Variants in MARCHF10 observed in about 807,000 individuals in gnomAD.
The protein encoded by MARCHF10 is membrane associated ring-CH-type finger 10, also known as probable E3 ubiquitin-protein ligase MARCHF10.
A neutral mutation model predicts 76.2 loss-of-function variants in MARCHF10; 64 were observed. That is an observed-to-expected ratio of 0.84 (90% CI 0.69 to 1.03). The LOEUF (loss-of-function observed/expected upper bound fraction) is 1.03, where lower values mean the gene tolerates loss of function less well. MARCHF10 is among the 50% of genes least tolerant of loss of function. MARCHF10 has a pLI of 0.00. For missense variants in MARCHF10, 875 were observed against 958.0 expected (o/e 0.91, Z 1.14); for synonymous variants, 340 against 357.5 (o/e 0.95, Z 0.55).
At chr17:62,788,908 A>C (rs1381206540) in intron 2 of MARCHF10, among the ~76,000 whole-genome samples, 1 of 150,546 alleles carries the variant, frequency 6.6e-6, no homozygotes, top group Non-Finnish European at 1.5e-5. Context: ...CTAAAAATAC[A>C]AAAAATTAGC....
At position 62,759,847 on chromosome 17, in the gene MARCHF10, C is replaced by T. The variant is rs141415486; in HGVS notation, c.370G>A (p.Glu124Lys). The change falls in exon 4 of 11, where the codon GAA becomes AAA. Residue 124 changes from glutamate to lysine, a missense_variant. Transcript: ENST00000311269. ...VRKAEKVDPSEPSPADQAPMV... is the reference protein window; with the variant it reads ...VRKAEKVDPSKPSPADQAPMV... ...GCCAGCCACTCACCTGGAGAGGGTT[C>T]GCTGGGGTCCACTTTCTCTGCTTTC... The T allele has an allele frequency of 5.1e-4, 824 of 1,613,770 alleles. 2 individuals are homozygous for T. The African/African-American group carries it at 6.4e-3, about 13-fold the overall frequency.
At chr17:62,794,179 A>G (rs2092946433) in intron 2 of MARCHF10, among the ~76,000 whole-genome samples, 1 of 127,174 alleles carries the variant, frequency 7.9e-6, no homozygotes, top group Admixed American at 7.5e-5. Flanking sequence ...CCACCACCAC[A>G]AACACCATCA....
At chr17:62,774,259 C>T (rs1420887307) in intron 3 of MARCHF10, among the ~76,000 whole-genome samples, 1 of 152,098 alleles carries the variant, frequency 6.6e-6, no homozygotes, top group East Asian at 1.9e-4. Flanking sequence ...CGGAGGAGGG[C>T]ACTTGAGGAA....
At chr17:62,753,156 G>C (rs1238923164) in intron 4 of MARCHF10, among the ~76,000 whole-genome samples, 1 of 152,064 alleles carries the variant, frequency 6.6e-6, no homozygotes, top group African/African-American at 2.4e-5. Flanking sequence ...CTGGAGTGTG[G>C]AGTGCAGTCA....
At chr17:62,785,925 G>C (rs1016344830) in intron 3 of MARCHF10, among the ~76,000 whole-genome samples, 7 of 152,156 alleles carry the variant, frequency 4.6e-5, no homozygotes, top group Non-Finnish European at 1.0e-4. Context: ...TTACACTGTT[G>C]GTGAGAGTGT....
intron 6 of MARCHF10, among the ~76,000 whole-genome samples, chr17:62,727,111 G>A (rs1423011446): frequency 6.6e-6 from 1 of 152,132 alleles, no homozygotes; most frequent in South Asian, 2.1e-4. Context: ...GAACCTGAAC[G>A]TTAAGATGGT....
At chr17:62,804,222 C>T (rs1181136526) in intron 1 of MARCHF10, among the ~76,000 whole-genome samples, 1 of 152,172 alleles carries the variant, frequency 6.6e-6, no homozygotes, top group African/African-American at 2.4e-5. Context: ...GAGGAGACAG[C>T]ATGGCGTCAC....
intron 3 of MARCHF10, among the ~76,000 whole-genome samples, chr17:62,780,096 A>G (rs1197938785): frequency 7.0e-6 from 1 of 141,962 alleles, no homozygotes; most frequent in Non-Finnish European, 1.5e-5. Context: ...GACTCGGTCT[A>G]AAAAAAAAAA....
intron 2 of MARCHF10, among the ~76,000 whole-genome samples, chr17:62,792,729 AC>A (rs1568217902): frequency 7.2e-6 from 1 of 139,570 alleles, no homozygotes. Flanking sequence ...CACCACCACC[AC>A]CATCACCACC....
Position 62,731,260 on chromosome 17 carries a change from G to T in MARCHF10, c.1937+4671C>A, listed in dbSNP as rs574544606. Among the ~76,000 whole-genome samples, 43 of 152,106 alleles carry T rather than the reference G, an allele frequency of 2.8e-4. 1 individual carries two copies. The South Asian group carries it at 7.3e-3, about 26-fold the overall frequency. ...ACATATCTGTAAAATATTTGACAAA[G>T]AATTACTTTTTGTTTTTTTTGAGAT... is the stretch of plus-strand genomic sequence containing the variant. On this transcript the variant is annotated intron_variant, in intron 6 of 10. Transcript: ENST00000311269.
intron 4 of MARCHF10, 81 bp from the exon 5 acceptor site, chr17:62,744,609 G>C: frequency 6.6e-7 from 1 of 1,505,098 alleles, no homozygotes; most frequent in Non-Finnish European, 9.0e-7. Flanking sequence ...AAAGGGCCCA[G>C]CAATGTTTGG....
intron 10 of MARCHF10, 139 bp from the exon 11 acceptor site, chr17:62,701,897 C>A: frequency 8.9e-7 from 1 of 1,127,586 alleles, no homozygotes; most frequent in Non-Finnish European, 1.3e-6. Context: ...GTGCCTGGAA[C>A]CGTGTGGGGA....
At chr17:62,709,812 C>G (rs1211218437) in intron 9 of MARCHF10, among the ~76,000 whole-genome samples, 1 of 136,486 alleles carries the variant, frequency 7.3e-6, no homozygotes, top group Non-Finnish European at 1.6e-5. Flanking sequence ...TGCGGTGGCA[C>G]CAATCATGGC....
chr17:62,790,696 TC>T (rs1363318324), intron 2 of MARCHF10, among the ~76,000 whole-genome samples: 1 of 152,198 alleles, frequency 6.6e-6, no homozygotes, highest in African/African-American at 2.4e-5. Context: ...AAAAAGCATC[TC>T]CTTCCGTGAT....
chr17:62,713,173 C>G (rs999825984), intron 8 of MARCHF10, among the ~76,000 whole-genome samples: 4 of 152,192 alleles, frequency 2.6e-5, no homozygotes, highest in Non-Finnish European at 5.9e-5. Context: ...ACCAACAAAG[C>G]CTTGGTCCTT....
chr17:62,793,762 CCACCACCACCTCCAT>C (rs2092931485), intron 2 of MARCHF10, among the ~76,000 whole-genome samples: 1 of 150,468 alleles, frequency 6.6e-6, no homozygotes, highest in Non-Finnish European at 1.5e-5. Flanking sequence ...ACCTCCATCA[CCACCACCACCTCCAT>C]CAGCACCACA....
At position 62,736,540 on chromosome 17, in the gene MARCHF10, T is replaced by A. The variant is rs749480828; in HGVS notation, c.1328A>T (p.Tyr443Phe). The A allele has an allele frequency of 5.0e-6, 8 of 1,614,202 alleles. No individual in the cohort carries two copies. The East Asian group carries it at 1.8e-4, about 36-fold the overall frequency. The change falls in exon 6 of 11, where the codon TAT becomes TTT. Residue 443 changes from tyrosine (Y) to phenylalanine (F), a missense_variant. Coordinates refer to ENST00000311269, the MANE Select transcript of MARCHF10 (RefSeq NM_152598.4). Reference sequence around the variant, plus strand: ...AAGAGAATTTTGAGAACTGTTTAAATAGTCTTTCCAGTATCCTTCAGAATC... The same window carrying A: ...AAGAGAATTTTGAGAACTGTTTAAAAAGTCTTTCCAGTATCCTTCAGAATC... ...THDSEGYWKD[Y>F]LNSSQNSLDY...
At chr17:62,762,842 G>A (rs536047488) in intron 3 of MARCHF10, among the ~76,000 whole-genome samples, 16 of 152,286 alleles carry the variant, frequency 1.1e-4, no homozygotes, top group Admixed American at 5.2e-4. Context: ...CACCACGCCC[G>A]GCCTATCCTC....
chr17:62,780,571 C>T (rs1313820864), intron 3 of MARCHF10, among the ~76,000 whole-genome samples: 1 of 152,142 alleles, frequency 6.6e-6, no homozygotes, highest in African/African-American at 2.4e-5. Flanking sequence ...TCCGATGTAA[C>T]CTTGAGTCCT....
Sources: gnomAD v4.1 joint callset for allele counts (sites outside exome capture counted in the v4.1 genomes callset) on GRCh38, gnomAD v4.1.1 for gene constraint, MANE v1.5 for transcripts, NCBI Gene and HGNC (gene_info 2026-07-23, HGNC 2026-07-21) for gene names.